The following HPSE2 variants were observed in gnomAD, a reference collection of about 807,000 sequenced individuals.
HPSE2 encodes heparanase 2 (inactive), also known as inactive heparanase-2.
In HPSE2, 38 loss-of-function variants were observed where a neutral mutation model predicts 60.5. The observed-to-expected ratio is 0.63, with a 90% confidence interval of 0.48 to 0.82. HPSE2 has a LOEUF of 0.82. HPSE2 is among the 40% of genes least tolerant of loss of function. The pLI, the probability that HPSE2 is intolerant of heterozygous loss-of-function variation, is 0.00. For missense variants in HPSE2, 713 were observed against 740.4 expected, an observed-to-expected ratio of 0.96 and a Z score of 0.43; for synonymous variants, 295 against 293.2, an observed-to-expected ratio of 1.01 and a Z score of -0.06.
chr10:98,845,301 C>A (rs1952008595), intron 3 of HPSE2, among the ~76,000 whole-genome samples: 1 of 152,188 alleles, frequency 6.6e-6, no homozygotes, highest in African/African-American at 2.4e-5. Context: ...GATAGGTGAG[C>A]AGCCAAAAAG....
the HPSE2 span, among the ~76,000 whole-genome samples, chr10:99,315,727 T>C: frequency 6.6e-6 from 1 of 152,186 alleles, no homozygotes; most frequent in Admixed American, 6.5e-5. Context: ...ACTAATCTCT[T>C]CCTCAGTTCC....
intron 3 of HPSE2, chr10:99,014,015 G>C (rs1295250099): frequency 3.4e-6 from 1 of 291,294 alleles, no homozygotes; most frequent in Non-Finnish European, 7.1e-6. Context: ...CTCAGGCTAA[G>C]GGGGTGGCAG....
chr10:99,090,233 C>T (rs1323442601), intron 3 of HPSE2, among the ~76,000 whole-genome samples: 1 of 152,042 alleles, frequency 6.6e-6, no homozygotes, highest in Admixed American at 6.6e-5. Flanking sequence ...CCTAGCCCCC[C>T]TTTCCTGCTG....
intron 3 of HPSE2, among the ~76,000 whole-genome samples, chr10:98,958,201 G>A (rs987991794): frequency 1.3e-5 from 2 of 152,082 alleles, no homozygotes; most frequent in African/African-American, 2.4e-5. Context: ...ACACTCAAAT[G>A]CACACACATA....
intron 5 of HPSE2, among the ~76,000 whole-genome samples, chr10:98,697,501 G>A (rs1284345032): frequency 6.6e-6 from 1 of 152,146 alleles, no homozygotes; most frequent in African/African-American, 2.4e-5. Flanking sequence ...GGAAATATGG[G>A]ACTATGTAAA....
At chr10:99,034,494 A>C (rs1957566737) in intron 3 of HPSE2, among the ~76,000 whole-genome samples, 1 of 152,150 alleles carries the variant, frequency 6.6e-6, no homozygotes, top group Non-Finnish European at 1.5e-5. Context: ...ATTGTTTCTA[A>C]TTTTTTTAAT....
chr10:98,985,434 C>G (rs1393540702), intron 3 of HPSE2, among the ~76,000 whole-genome samples: 1 of 152,112 alleles, frequency 6.6e-6, no homozygotes, highest in Non-Finnish European at 1.5e-5. Flanking sequence ...TACAGACAAG[C>G]AAATGCTGAG....
intron 3 of HPSE2, among the ~76,000 whole-genome samples, chr10:99,086,873 C>T (rs532255639): frequency 6.6e-6 from 1 of 152,276 alleles, no homozygotes; most frequent in Non-Finnish European, 1.5e-5. Context: ...CCATCCAACT[C>T]CCAAATCAGA....
At chr10:99,260,592 G>A in the HPSE2 span, among the ~76,000 whole-genome samples, 1 of 152,132 alleles carries the variant, frequency 6.6e-6, no homozygotes, top group Admixed American at 6.6e-5. Flanking sequence ...GTAGAGACAA[G>A]AGGACACATT....
At chr10:99,129,616 T>C (rs924761725) in intron 3 of HPSE2, among the ~76,000 whole-genome samples, 1 of 151,786 alleles carries the variant, frequency 6.6e-6, no homozygotes, top group Non-Finnish European at 1.5e-5. Context: ...TCTCAAAACC[T>C]CCGGGATACA....
At chr10:99,018,418 C>T (rs1957189684) in intron 3 of HPSE2, among the ~76,000 whole-genome samples, 1 of 152,186 alleles carries the variant, frequency 6.6e-6, no homozygotes, top group South Asian at 2.1e-4. Context: ...TTTAAACATG[C>T]TTCCAAGCCT....
intron 9 of HPSE2, among the ~76,000 whole-genome samples, chr10:98,548,477 C>T (rs1169216151): frequency 2.0e-5 from 3 of 151,996 alleles, no homozygotes; most frequent in East Asian, 1.9e-4. Context: ...ATTAGCTGGG[C>T]GTAGTGGTGT....
At chr10:99,081,668 G>A (rs1055059860) in intron 3 of HPSE2, among the ~76,000 whole-genome samples, 9 of 151,228 alleles carry the variant, frequency 6.0e-5, no homozygotes, top group African/African-American at 2.2e-4. Context: ...ACGGAATCTC[G>A]CTCTGTCACC....
rs548347586 is a variant in HPSE2, at chr10:98,788,644, G to A, written c.611-44588C>T. ...TGAGCCAGGTGTGGGATATCGTCTC[G>A]TGGTGCGCTGTTTCTTAAGCCGGTC... On this transcript the variant is annotated intron_variant, in intron 3 of 11. Transcript: ENST00000370552. 4.6e-5 allele frequency among the ~76,000 whole-genome samples: 7 copies of A among 152,272 alleles called. No homozygotes were observed. In the South Asian group the frequency reaches 1.2e-3, roughly 27 times the overall value.
chr10:98,569,397 A>G (rs10786442), intron 9 of HPSE2, among the ~76,000 whole-genome samples: 129,479 of 152,128 alleles, frequency 0.85, 56,320 homozygotes, highest in East Asian at 1. Flanking sequence ...ACATTCTTCT[A>G]TCCTTCTCTA....
At chr10:98,858,957 C>T (rs1199994752) in intron 3 of HPSE2, among the ~76,000 whole-genome samples, 1 of 152,084 alleles carries the variant, frequency 6.6e-6, no homozygotes, top group Non-Finnish European at 1.5e-5. Flanking sequence ...TAGTCGAGAC[C>T]TCACTTTATT....
intron 3 of HPSE2, among the ~76,000 whole-genome samples, chr10:98,927,366 T>C (rs1053897158): frequency 5.3e-5 from 8 of 152,034 alleles, no homozygotes; most frequent in Non-Finnish European, 1.0e-4. Flanking sequence ...GAACATTCCA[T>C]GCTCATGGGT....
Position 98,547,344 on chromosome 10 carries a change from A to G in HPSE2, c.1321-57148T>C, listed in dbSNP as rs1943716727. On this transcript the variant is annotated intron_variant, in intron 9 of 11. Transcript: ENST00000370552. The stretch of plus-strand genomic sequence containing the variant: ...GACTATAAATCATGCTGCTATAAAG[A>G]CACATGCACACGTATGTTTATGGCG... Among the ~76,000 whole-genome samples, 3 of 148,338 alleles carry G rather than the reference A, an allele frequency of 2.0e-5. No individual in the cohort carries two copies. The South Asian group carries it at 6.5e-4, about 32-fold the overall frequency.
At chr10:98,989,107 A>G (rs1225851259) in intron 3 of HPSE2, among the ~76,000 whole-genome samples, 1 of 152,010 alleles carries the variant, frequency 6.6e-6, no homozygotes, top group South Asian at 2.1e-4. Flanking sequence ...AGGGATCTAG[A>G]ACTAGAAATA....
Sources: allele counts gnomAD v4.1 joint callset (sites outside exome capture counted in the v4.1 genomes callset), GRCh38; gene constraint gnomAD v4.1.1; transcripts MANE v1.5; gene names NCBI Gene and HGNC (gene_info 2026-07-23, HGNC 2026-07-21).